Variants in LHFPL3 observed in about 807,000 individuals in gnomAD.
The protein encoded by LHFPL3 is LHFPL tetraspan subfamily member 3, also known as LHFPL tetraspan subfamily member 3 protein.
Under a neutral mutation model 19.3 loss-of-function variants are expected in LHFPL3, and 5 were observed. That is an observed-to-expected ratio of 0.26 (90% CI 0.14 to 0.54). The LOEUF (loss-of-function observed/expected upper bound fraction) is 0.54. LHFPL3 is among the 20% of genes least tolerant of loss of function. LHFPL3 has a pLI of 0.94. For missense variants in LHFPL3, 249 were observed against 307.4 expected (o/e 0.81, Z 1.42); for synonymous variants, 133 against 126.2 (o/e 1.05, Z -0.36).
At chr7:104,821,923 C>G (rs1055781073) in intron 2 of LHFPL3, among the ~76,000 whole-genome samples, 1 of 152,176 alleles carries the variant, frequency 6.6e-6, no homozygotes, top group Non-Finnish European at 1.5e-5. Flanking sequence ...AGAGCTCCCC[C>G]AGTTTGTAAC....
chr7:104,596,627 A>T (rs1334861912), intron 1 of LHFPL3, among the ~76,000 whole-genome samples: 1 of 152,244 alleles, frequency 6.6e-6, no homozygotes, highest in African/African-American at 2.4e-5. Context: ...ATAACAAAAC[A>T]TAGCTAGTAA....
chr7:104,622,831 G>A (rs1465846211), intron 1 of LHFPL3, among the ~76,000 whole-genome samples: 1 of 152,206 alleles, frequency 6.6e-6, no homozygotes, highest in Non-Finnish European at 1.5e-5. Flanking sequence ...ACCTAGGAGT[G>A]GGATTGCTGG....
chr7:104,641,292 C>T (rs914198799), intron 1 of LHFPL3, among the ~76,000 whole-genome samples: 2 of 152,170 alleles, frequency 1.3e-5, no homozygotes, highest in Admixed American at 1.3e-4. Context: ...AATAATCAAC[C>T]GCTGAGTCAA....
intron 1 of LHFPL3, among the ~76,000 whole-genome samples, chr7:104,388,390 G>A (rs1034887546): frequency 6.6e-6 from 1 of 151,784 alleles, no homozygotes; most frequent in East Asian, 1.9e-4. Context: ...CATGTAAAAG[G>A]GATCCTCAAT....
intron 2 of LHFPL3, chr7:104,796,494 T>G (rs774019984): frequency 6.6e-6 from 1 of 152,062 alleles, no homozygotes; most frequent in Non-Finnish European, 1.5e-5. Context: ...GAAATGCATG[T>G]GATAGTGGGA....
At chr7:104,518,755 A>T (rs888572524) in intron 1 of LHFPL3, among the ~76,000 whole-genome samples, 1 of 152,022 alleles carries the variant, frequency 6.6e-6, no homozygotes, top group Non-Finnish European at 1.5e-5. Flanking sequence ...CTGCACTCCA[A>T]CCTGGGCAAC....
In LHFPL3 at chr7:104,379,164, C is replaced by T. The variant is rs561956402; in HGVS notation, c.445+49940C>T. 7.9e-5 allele frequency among the ~76,000 whole-genome samples: 12 copies of T among 152,288 alleles called. No individual in the cohort carries two copies. In the South Asian group the frequency reaches 2.1e-3, roughly 26 times the overall value. ...AGATACAGACTTCGCTGTTTCCTGC[C>T]AACTTCAGCCTAACCAGGTCCACTT... On this transcript the variant is annotated intron_variant, in intron 1 of 2. Transcript: ENST00000424859.
At chr7:104,341,733 C>T (rs1367639960) in intron 1 of LHFPL3, among the ~76,000 whole-genome samples, 3 of 152,118 alleles carry the variant, frequency 2.0e-5, no homozygotes, top group African/African-American at 7.2e-5. Context: ...CCTCCATTGT[C>T]GGCAGGATGG....
At chr7:104,407,166 G>A (rs974685907) in intron 1 of LHFPL3, among the ~76,000 whole-genome samples, 1 of 152,196 alleles carries the variant, frequency 6.6e-6, no homozygotes, top group Non-Finnish European at 1.5e-5. Flanking sequence ...TTCTCACCTA[G>A]ATGCTAATTC....
At chr7:104,332,706 C>T (rs941888290) in intron 1 of LHFPL3, among the ~76,000 whole-genome samples, 2 of 151,984 alleles carry the variant, frequency 1.3e-5, no homozygotes, top group Admixed American at 6.6e-5. Flanking sequence ...ATTTAATTTT[C>T]GTGCCGTTAT....
chr7:104,515,148 G>A (rs547534807), intron 1 of LHFPL3, among the ~76,000 whole-genome samples: 2 of 152,112 alleles, frequency 1.3e-5, no homozygotes, highest in South Asian at 2.1e-4. Context: ...GGTTAAATTG[G>A]GAATTAATAA....
At chr7:104,698,450 A>G (rs1793036865) in intron 1 of LHFPL3, among the ~76,000 whole-genome samples, 1 of 152,254 alleles carries the variant, frequency 6.6e-6, no homozygotes, top group Admixed American at 6.5e-5. Context: ...AGACAATAAA[A>G]GACAAAATAG....
chr7:104,906,226 A>G lies in LHFPL3; in HGVS notation c.*11A>G, dbSNP rs1792610684. On this transcript the variant is annotated 3_prime_UTR_variant, in exon 3 of 3. Transcript: ENST00000424859. ...TATTCTCTAGAATGAGCACAAAACA[A>G]ATCGAATAACAGCTAAACAAATCGA... The G allele has an allele frequency of 6.2e-7, 1 of 1,606,706 alleles. No individual in the cohort carries two copies. The highest frequency in any genetic ancestry group is 8.5e-7 in the Non-Finnish European group (1 of 1,176,448).
chr7:104,759,142 A>G (rs1228114235), intron 2 of LHFPL3, among the ~76,000 whole-genome samples: 2 of 151,892 alleles, frequency 1.3e-5, no homozygotes, highest in Admixed American at 1.3e-4. Context: ...TGCTTAAAGA[A>G]CTCCCATTTC....
chr7:104,669,080 A>G, intron 1 of LHFPL3: 1 of 1,612,666 alleles, frequency 6.2e-7, no homozygotes. Context: ...AAGTCTCTAG[A>G]AAATGAAACA....
chr7:104,379,368 T>A (rs922811133), intron 1 of LHFPL3, among the ~76,000 whole-genome samples: 1 of 152,190 alleles, frequency 6.6e-6, no homozygotes, highest in Admixed American at 6.5e-5. Flanking sequence ...CTGCCAACAT[T>A]GGGAATTTCC....
intron 2 of LHFPL3, among the ~76,000 whole-genome samples, chr7:104,865,834 G>C (rs1178770291): frequency 6.6e-6 from 1 of 152,176 alleles, no homozygotes; most frequent in African/African-American, 2.4e-5. Flanking sequence ...AAAAAGGTCA[G>C]GTTACCCACA....
At chr7:104,658,328 A>G (rs916371879) in intron 1 of LHFPL3, among the ~76,000 whole-genome samples, 2 of 151,968 alleles carry the variant, frequency 1.3e-5, no homozygotes, top group Non-Finnish European at 2.9e-5. Flanking sequence ...CTCTTTCTGT[A>G]TTTTTCTTTT....
intron 1 of LHFPL3, among the ~76,000 whole-genome samples, chr7:104,496,737 C>T (rs907941092): frequency 6.6e-6 from 1 of 152,138 alleles, no homozygotes; most frequent in African/African-American, 2.4e-5. Flanking sequence ...ACTTGTATTT[C>T]CTTAGCTTAA....
Sources: allele counts gnomAD v4.1 joint callset (sites outside exome capture counted in the v4.1 genomes callset), GRCh38; gene constraint gnomAD v4.1.1; transcripts MANE v1.5; gene names NCBI Gene and HGNC (gene_info 2026-07-23, HGNC 2026-07-21).